Variants in JMJD1C observed in about 807,000 individuals in gnomAD.
The protein encoded by JMJD1C is jumonji domain-containing protein 1C.
In JMJD1C, 31 loss-of-function variants were observed where a neutral mutation model predicts 245.3. The observed-to-expected ratio is 0.13, with a 90% CI of 0.09 to 0.17. The LOEUF (loss-of-function observed/expected upper bound fraction) is 0.17. Among genes scored for constraint, JMJD1C ranks in the 10% least tolerant of loss-of-function variants. The probability of loss-of-function intolerance (pLI) is 1.00; values close to 1 mark genes in which losing one functional copy is unlikely to be tolerated. For missense variants in JMJD1C, 2,691 were observed against 3,000.2 expected, an observed-to-expected ratio of 0.90 and a Z score of 2.41; for synonymous variants, 1,057 against 1,017.4, an observed-to-expected ratio of 1.04 and a Z score of -0.74.
chr10:63,521,707 G>A (rs1955251903), intron 1 of JMJD1C: 1 of 540,096 alleles, frequency 1.9e-6, no homozygotes, highest in Non-Finnish European at 2.8e-6. Context: ...CGGGCCTGCC[G>A]AGGGTCTGGG....
intron 2 of JMJD1C, among the ~76,000 whole-genome samples, chr10:63,283,050 G>T (rs1006655659): frequency 6.6e-6 from 1 of 152,100 alleles, no homozygotes; most frequent in South Asian, 2.1e-4. Context: ...CAGTTTCACT[G>T]AAGTCCTGTC....
chr10:63,397,247 CTT>C (rs968783955), intron 1 of JMJD1C, among the ~76,000 whole-genome samples: 3 of 152,126 alleles, frequency 2.0e-5, no homozygotes, highest in East Asian at 1.9e-4. Flanking sequence ...GAGTTTCGCT[CTT>C]GTCGCCCAGG....
At chr10:63,247,092 T>A (rs1008198333) in intron 3 of JMJD1C, among the ~76,000 whole-genome samples, 22 of 78,372 alleles carry the variant, frequency 2.8e-4, no homozygotes, top group South Asian at 1.1e-3. Context: ...AGAACGGAAA[T>A]AAACTGAGAC....
intron 2 of JMJD1C, among the ~76,000 whole-genome samples, chr10:63,283,626 C>G (rs1857650810): frequency 6.6e-6 from 1 of 152,108 alleles, no homozygotes; most frequent in Admixed American, 6.5e-5. Context: ...CTCGGCCTCC[C>G]GAAGGGCTGG....
chr10:63,221,523 G>C (rs994239647), intron 3 of JMJD1C, among the ~76,000 whole-genome samples: 6 of 152,100 alleles, frequency 3.9e-5, no homozygotes, highest in Non-Finnish European at 7.4e-5. Context: ...CAAATAAGTA[G>C]GCAAAATCTG....
At chr10:63,168,195 C>T in intron 25 of JMJD1C, 61 bp from the exon 26 acceptor site, 7 of 1,267,308 alleles carry the variant, frequency 5.5e-6, no homozygotes, top group Non-Finnish European at 7.9e-6. Flanking sequence ...TAAAAAATGA[C>T]AACTTCCAGA....
At chr10:63,364,418 T>C (rs566587896) in intron 2 of JMJD1C, among the ~76,000 whole-genome samples, 1 of 152,250 alleles carries the variant, frequency 6.6e-6, no homozygotes, top group Non-Finnish European at 1.5e-5. Context: ...TATTTCTATC[T>C]TGTGACCATT....
At chr10:63,249,859 TA>T (rs112361874) in intron 3 of JMJD1C, among the ~76,000 whole-genome samples, 281 of 139,968 alleles carry the variant, frequency 2.0e-3, no homozygotes, top group Admixed American at 1.8e-3. Flanking sequence ...GACTCCATCT[TA>T]AAAAAAAAAA....
rs570915031 is a variant in JMJD1C at position 63,502,700 on chromosome 10, AC to A, written n.113+19037del. On this transcript the variant is annotated intron_variant and non_coding_transcript_variant, in intron 1 of 3. Transcript: ENST00000633035. Reference sequence around the variant, plus strand: ...CTCTTCAACTCTCCTTCCACCCACAACTGCCAATATAATATATTCTTTGTTC... The same window carrying A: ...CTCTTCAACTCTCCTTCCACCCACAATGCCAATATAATATATTCTTTGTTC... 5.9e-5 allele frequency among the ~76,000 whole-genome samples: 9 copies of A among 151,384 alleles called. No individual in the cohort carries two copies. The South Asian group carries it at 1.9e-3, about 32-fold the overall frequency.
In JMJD1C at chr10:63,431,857, C is replaced by T. The variant is rs575701387; in HGVS notation, c.168+33638G>A. Among the ~76,000 whole-genome samples the T allele has an allele frequency of 1.2e-4, 19 of 152,210 alleles. 1 individual carries two copies. The South Asian group carries it at 3.9e-3, about 32-fold the overall frequency. On this transcript the variant is annotated intron_variant, in intron 1 of 25. Transcript: ENST00000399262. ...TGAAACCCCATCTCTACTAAAAGTA[C>T]AAAAATTAGCTGGGCATGGTGGTGC...
At chr10:63,331,080 A>G (rs982090399) in intron 2 of JMJD1C, among the ~76,000 whole-genome samples, 11 of 152,242 alleles carry the variant, frequency 7.2e-5, no homozygotes, top group African/African-American at 2.7e-4. Context: ...GTTTTCTAAA[A>G]TACGTACTAT....
intron 1 of JMJD1C, among the ~76,000 whole-genome samples, chr10:63,420,656 C>A (rs1388877098): frequency 7.1e-6 from 1 of 141,360 alleles, no homozygotes; most frequent in African/African-American, 2.6e-5. Context: ...GCCCGGGAAT[C>A]TGAGGAGGCA....
At chr10:63,204,857 C>A in intron 10 of JMJD1C, 1 of 985,396 alleles carries the variant, frequency 1.0e-6, no homozygotes, top group East Asian at 1.1e-4. Context: ...CTGGTTTCCA[C>A]ACAGGCATGT....
In JMJD1C at chr10:63,394,949, A is replaced by T. The variant is rs537005271; in HGVS notation, c.169-14467T>A. Among the ~76,000 whole-genome samples the T allele has an allele frequency of 5.3e-4, 81 of 152,314 alleles. No individual in the cohort carries two copies. In the South Asian group the frequency reaches 0.017, roughly 31 times the overall value. Reference sequence around the variant, plus strand: ...AAAACAAGCCACAGACTGTAAGGAAATACTTACAAATCACGTATTTCACAA... The same window carrying T: ...AAAACAAGCCACAGACTGTAAGGAATTACTTACAAATCACGTATTTCACAA... On this transcript the variant is annotated intron_variant, in intron 1 of 25. Transcript: ENST00000399262.
intron 3 of JMJD1C, among the ~76,000 whole-genome samples, chr10:63,247,719 CAAA>C (rs71025135): frequency 5.7e-5 from 6 of 105,468 alleles, no homozygotes; most frequent in Admixed American, 1.2e-4. Flanking sequence ...GTGACAGAGC[CAAA>C]AAAAAAAAAA....
intron 2 of JMJD1C, 188 bp downstream of exon 2, chr10:63,380,130 G>A (rs899065835): frequency 5.4e-5 from 25 of 462,994 alleles, no homozygotes; most frequent in Middle Eastern, 5.9e-4. Context: ...TTTTGGTAGA[G>A]ATGGGGTCTC....
rs556708323 is a variant in JMJD1C at position 63,315,612 on chromosome 10, C to T, written c.334-50848G>A. On this transcript the variant is annotated intron_variant, in intron 2 of 25. Coordinates refer to ENST00000399262, the MANE Select transcript of JMJD1C (RefSeq NM_032776.3). ...CCAGCACTTTGGGAGGCCGAGGCAG[C>T]GGGCGGGTCACAAGGTCAGGAGATT... Among the ~76,000 whole-genome samples, 6 of 151,554 alleles carry T rather than the reference C, an allele frequency of 4.0e-5. No homozygotes were observed. In the South Asian group the frequency reaches 6.2e-4, roughly 16 times the overall value.
chr10:63,488,103 C>CA (rs1368395075), intron 1 of JMJD1C, among the ~76,000 whole-genome samples: 10 of 152,098 alleles, frequency 6.6e-5, no homozygotes, highest in Non-Finnish European at 1.5e-4. Context: ...CCATGACTTA[C>CA]AAAAAAATGG....
chr10:63,317,849 T>C (rs1048380052), intron 2 of JMJD1C, among the ~76,000 whole-genome samples: 1 of 152,144 alleles, frequency 6.6e-6, no homozygotes, highest in Non-Finnish European at 1.5e-5. Flanking sequence ...ACTGATCTTT[T>C]TTCTTTTCTT....
Sources: allele counts gnomAD v4.1 joint callset (sites outside exome capture counted in the v4.1 genomes callset), GRCh38; gene constraint gnomAD v4.1.1; transcripts MANE v1.5; gene names NCBI Gene and HGNC (gene_info 2026-07-23, HGNC 2026-07-21).